Variants in COL18A1 observed in about 807,000 individuals in gnomAD.
COL18A1 encodes the protein collagen type XVIII alpha 1 chain.
In COL18A1, 133 loss-of-function variants were observed where a neutral mutation model predicts 168.0. The observed-to-expected ratio is 0.79, with a 90% CI of 0.69 to 0.91. The LOEUF is 0.91. COL18A1 is among the 40% of genes least tolerant of loss of function. COL18A1 has a pLI of 0.00. For missense variants in COL18A1, 2,126 were observed against 1,925.4 expected (o/e 1.10, Z -1.95); for synonymous variants, 949 against 809.0 (o/e 1.17, Z -2.94).
At chr21:45,486,671 C>T (rs1248382838) in intron 15 of COL18A1, among the ~76,000 whole-genome samples, 190 bp from the exon 16 acceptor site, 1 of 152,256 alleles carries the variant, frequency 6.6e-6, no homozygotes, top group African/African-American at 2.4e-5. Flanking sequence ...AGTTGTGTTT[C>T]TGTGTGGCTG....
intron 2 of COL18A1, 78 bp downstream of exon 2, chr21:45,405,551 T>A: frequency 1.1e-6 from 1 of 905,514 alleles, no homozygotes; most frequent in Non-Finnish European, 1.4e-6. Context: ...CCCGCCCGGC[T>A]CCCTCACCCC....
chr21:45,431,990 C>T (rs985935066), intron 2 of COL18A1, among the ~76,000 whole-genome samples: 2 of 152,190 alleles, frequency 1.3e-5, no homozygotes, highest in African/African-American at 4.8e-5. Context: ...AGCTACTTTC[C>T]CGGCCCACAT....
chr21:45,507,602 C>G lies in COL18A1; in HGVS notation c.3249+9C>G, dbSNP rs1303619540. On this transcript the variant is annotated intron_variant, in intron 38 of 41. Coordinates refer to ENST00000651438, the MANE Select transcript of COL18A1 (RefSeq NM_001379500.1). ...CACTCCCACGAGGGACGGTAAGGAGCCTTTTTTCTGTTGAGACTGGTGGGT... is the reference window on the plus strand; with the variant it reads ...CACTCCCACGAGGGACGGTAAGGAGGCTTTTTTCTGTTGAGACTGGTGGGT... 1.4e-5 allele frequency: 22 copies of G among 1,612,746 alleles called. No individual in the cohort carries two copies. Among genetic ancestry groups the G allele is most frequent in the Non-Finnish European group, 1.6e-5 (19 of 1,179,692 alleles).
At chr21:45,462,662 C>T (rs2035083800) in intron 2 of COL18A1, among the ~76,000 whole-genome samples, 1 of 152,116 alleles carries the variant, frequency 6.6e-6, no homozygotes, top group Admixed American at 6.6e-5. Flanking sequence ...TGACTTTCTC[C>T]ACACCTTCCT....
intron 2 of COL18A1, chr21:45,420,409 TC>T (rs2033584084): frequency 6.6e-6 from 1 of 151,962 alleles, no homozygotes; most frequent in African/African-American, 2.4e-5. Context: ...AGAGGTGACG[TC>T]CCCTCCACAG....
intron 2 of COL18A1, among the ~76,000 whole-genome samples, chr21:45,458,457 C>T (rs1303732391): frequency 3.9e-5 from 6 of 152,192 alleles, no homozygotes; most frequent in Admixed American, 2.6e-4. Context: ...AGATGTCACC[C>T]CCAGGGCAGC....
intron 32 of COL18A1, among the ~76,000 whole-genome samples, chr21:45,501,107 G>GGT (rs34746806): frequency 0.018 from 1,083 of 60,388 alleles, 260 homozygotes; most frequent in African/African-American, 0.044. Context: ...GGTGTGGTTT[G>GGT]GTGTGTGTGT....
At chr21:45,414,440 G>C (rs1179049796) in intron 2 of COL18A1, among the ~76,000 whole-genome samples, 1 of 152,226 alleles carries the variant, frequency 6.6e-6, no homozygotes, top group Non-Finnish European at 1.5e-5. Context: ...TTGTGAAAAT[G>C]ACTGAGAATG....
intron 15 of COL18A1, among the ~76,000 whole-genome samples, chr21:45,485,232 C>T (rs1568915279): frequency 6.8e-6 from 1 of 147,416 alleles, no homozygotes; most frequent in Non-Finnish European, 1.5e-5. Context: ...AACTCCTGCC[C>T]TCAGGTGATC....
intron 40 of COL18A1, 138 bp downstream of exon 40, chr21:45,510,399 C>T: frequency 1.0e-6 from 1 of 999,988 alleles, no homozygotes. Context: ...CTGGCGACTT[C>T]AGGGCAGGCT....
Position 45,405,296 on chromosome 21 carries a change from GT to G in COL18A1, c.11+56del, listed in dbSNP as rs1569270153. 1.5e-4 allele frequency: 75 copies of G among 504,700 alleles called. 1 individual carries two copies. In the East Asian group the frequency reaches 1.5e-3, roughly 10 times the overall value. 31.3% of individuals were successfully genotyped at this position (504,700 alleles called of 1,614,324 possible). A position where few individuals can be genotyped will look rare whatever the true frequency, so the allele number is the denominator to read the frequency against. On this transcript the variant is annotated intron_variant, in intron 1 of 41. Transcript: ENST00000651438. ...GGGACGCCAAGATGCGGCTGCGGGGGTCGCGGGGGTCGCGGGGCTCGGCCGG... is the reference window on the plus strand; with the variant it reads ...GGGACGCCAAGATGCGGCTGCGGGGGCGCGGGGGTCGCGGGGCTCGGCCGG...
intron 2 of COL18A1, among the ~76,000 whole-genome samples, chr21:45,438,142 TCA>T (rs2034246890): frequency 2.4e-5 from 1 of 42,536 alleles, no homozygotes; most frequent in Admixed American, 2.4e-4. Flanking sequence ...ACACACACAC[TCA>T]CTCAGACACA....
intron 2 of COL18A1, among the ~76,000 whole-genome samples, chr21:45,437,861 CACACTCAG>C (rs1440973294): frequency 1.5e-5 from 1 of 66,796 alleles, no homozygotes; most frequent in African/African-American, 1.5e-4. Context: ...CACTCACACT[CACACTCAG>C]ACACACAGGC....
Position 45,468,437 on chromosome 21 carries a change from C to T in COL18A1, c.302C>T (p.Ala101Val). ...DFSLLFHIRP[A>V]TEGPGVLFAI... ...TCACTGCTGTTCCACATCCGGCCAG[C>T]CACAGAGGGCCCAGGGGTGCTGTTC... is the stretch of plus-strand genomic sequence containing the variant. The change falls in exon 3 of 42, where the codon GCC becomes GTC. Residue 101 changes from alanine (A) to valine (V), a missense_variant. Physicochemically the swap from Ala to Val is moderately conservative, Grantham distance 64 (BLOSUM62 0). Transcript: ENST00000651438. 1.9e-6 allele frequency: 3 copies of T among 1,614,106 alleles called. No individual in the cohort carries two copies. Among genetic ancestry groups the T allele is most frequent in the Non-Finnish European group, 2.5e-6 (3 of 1,180,032 alleles).
chr21:45,456,740 G>T (rs141363853), intron 2 of COL18A1: 7 of 1,459,424 alleles, frequency 4.8e-6, no homozygotes, highest in Non-Finnish European at 6.4e-6. Flanking sequence ...CCCGCCGCCC[G>T]CCCCGCCACC....
At position 45,491,297 on chromosome 21, in the gene COL18A1, T is replaced by C; in HGVS notation, c.2140T>C (p.Tyr714His). The C allele has an allele frequency of 6.2e-7, 1 of 1,611,848 alleles. No homozygotes were observed. Among genetic ancestry groups the C allele is most frequent in the Admixed American group, 1.7e-5 (1 of 59,988 alleles). The change falls in exon 22 of 42, where the codon TAC (tyrosine) becomes CAC (histidine). Residue 714 changes from tyrosine (Y) to histidine (H), a missense_variant. Transcript: ENST00000651438. Reference protein sequence around the residue: ...GPPGPPGPVVYVSEQDGSVLS... With the variant: ...GPPGPPGPVVHVSEQDGSVLS... ...CCCCGGACCCCCGGGACCTGTGGTCTACGTGTCGGAGCAGGACGTAAGGAC... is the reference window on the plus strand; with the variant it reads ...CCCCGGACCCCCGGGACCTGTGGTCCACGTGTCGGAGCAGGACGTAAGGAC...
At chr21:45,511,088 C>CACAG in intron 40 of COL18A1, 23 bp from the exon 41 acceptor site, 1 of 1,045,896 alleles carries the variant, frequency 9.6e-7, no homozygotes, top group Non-Finnish European at 1.3e-6. Context: ...ACCACACACA[C>CACAG]ATACACACGG....
Position 45,491,260 on chromosome 21 carries a change from C to T in COL18A1, c.2103C>T (p.Gly701=), listed in dbSNP as rs377652187. The change falls in exon 22 of 42, where the codon GGC becomes GGT. Residue 701 remains glycine, a synonymous_variant. Coordinates refer to ENST00000651438, the MANE Select transcript of COL18A1 (RefSeq NM_001379500.1). ...DPGKDGVGQP[G]LPGPPGPPGP... ...GGAAGGACGGAGTCGGGCAGCCGGG[C>T]CTCCCTGGCCCCCCCGGACCCCCGG... 4.2e-5 allele frequency: 67 copies of T among 1,612,324 alleles called. No homozygotes were observed. The highest frequency in any genetic ancestry group is 1.6e-4 in the Middle Eastern group (1 of 6,074).
chr21:45,504,529 AGG>A lies in COL18A1; in HGVS notation c.2842_2843del (p.Gly948ProfsTer138). 1 of 878,286 alleles carries A rather than the reference AGG, an allele frequency of 1.1e-6. No homozygotes were observed. Among genetic ancestry groups the A allele is most frequent in the Non-Finnish European group, 1.7e-6 (1 of 596,148 alleles). The allele number at this position is 878,286 out of a possible 1,614,324, so 54.4% of individuals were successfully genotyped here. A position where few individuals can be genotyped will look rare whatever the true frequency, so the allele number is the denominator to read the frequency against. ...PGPPGPPGPP[G>X]PRGYPGIPGP... The stretch of plus-strand genomic sequence containing the variant: ...GCCCCCCCGGCCCCCCAGGCCCCCC[AGG>A]CCCACGTGGCTACCCTGGGATTCCA... On this transcript the variant is annotated frameshift_variant, in exon 34 of 42. Coordinates refer to ENST00000651438, the MANE Select transcript of COL18A1 (RefSeq NM_001379500.1). LOFTEE classifies it high-confidence loss of function.
Sources: gnomAD v4.1 joint callset for allele counts (sites outside exome capture counted in the v4.1 genomes callset) on GRCh38, gnomAD v4.1.1 for gene constraint, MANE v1.5 for transcripts, NCBI Gene and HGNC (gene_info 2026-07-23, HGNC 2026-07-21) for gene names.